Variants in SDK2 observed in about 807,000 individuals in gnomAD.
SDK2 encodes protein sidekick-2.
In SDK2, 105 loss-of-function variants were observed where a neutral mutation model predicts 253.9. The ratio of observed to expected loss-of-function variants is 0.41; its 90% confidence interval spans 0.35 to 0.49. SDK2 has a LOEUF of 0.49. SDK2 is among the 20% of genes least tolerant of loss of function. SDK2 has a pLI of 0.06. For synonymous variants in SDK2, 1,249 were observed against 1,234.9 expected, an observed-to-expected ratio of 1.01 and a Z score of -0.24; for missense variants, 2,608 against 3,003.0, an observed-to-expected ratio of 0.87 and a Z score of 3.07.
Position 73,443,198 on chromosome 17 carries a change from G to A in SDK2, c.614-2275C>T, listed in dbSNP as rs754801978. Among the ~76,000 whole-genome samples the A allele has an allele frequency of 1.3e-5, 2 of 152,158 alleles. No homozygotes were observed. Among genetic ancestry groups the A allele is most frequent in the Non-Finnish European group, 2.9e-5 (2 of 68,032 alleles). ...CTCTGGGCCACCTTGTCAGCCCTGG[G>A]CAGGTTTTCCTTCCTTGACTCCAGG... On this transcript the variant is annotated intron_variant, in intron 5 of 44. Coordinates refer to ENST00000392650, the MANE Select transcript of SDK2 (RefSeq NM_001144952.2). The surrounding 1 kb of genome is among the most constrained non-coding windows in gnomAD (Gnocchi z 4.6).
chr17:73,564,924 A>G (rs2045290877), intron 1 of SDK2, among the ~76,000 whole-genome samples: 1 of 152,128 alleles, frequency 6.6e-6, no homozygotes, highest in African/African-American at 2.4e-5. Flanking sequence ...AGTTAGGTCA[A>G]CCCTTTCCCC....
Position 73,447,634 on chromosome 17 carries a change from G to A in SDK2, c.594C>T (p.Pro198=). ...DKNGDNKTSQ[P]ITLTVENVGG... ...ACTTACTCTCCACGGTGAGCGTGAT[G>A]GGCTGGCTGGTCTTGTTATCCCCGT... The change falls in exon 5 of 45, where the codon CCC becomes CCT. Residue 198 remains proline, a synonymous_variant. Coordinates refer to ENST00000392650, the MANE Select transcript of SDK2 (RefSeq NM_001144952.2). This position sits in a 1 kb window ranked among gnomAD's most constrained non-coding sequence, Gnocchi z 4.0. 6.4e-7 allele frequency: 1 copy of A among 1,551,916 alleles called. No individual in the cohort carries two copies. The highest frequency in any genetic ancestry group is 8.7e-7 in the Non-Finnish European group (1 of 1,147,038).
chr17:73,623,245 A>C (rs1180329968), intron 1 of SDK2, among the ~76,000 whole-genome samples: 1 of 152,218 alleles, frequency 6.6e-6, no homozygotes, highest in East Asian at 1.9e-4. Flanking sequence ...GGTAATCCTC[A>C]CAACAACCTC....
Position 73,481,197 on chromosome 17 carries a change from C to A in SDK2, c.225-8979G>T, listed in dbSNP as rs780029907. On this transcript the variant is annotated intron_variant, in intron 2 of 44. Transcript: ENST00000392650. The surrounding 1 kb of genome is among the most constrained non-coding windows in gnomAD (Gnocchi z 4.5). ...AGAATCCTTGGAAGGTGGGGGAGGG[C>A]CCTGGACTTGTCCCCTCCCAGAGGA... Among the ~76,000 whole-genome samples, 3 of 152,090 alleles carry A rather than the reference C, an allele frequency of 2.0e-5. No individual in the cohort carries two copies. The highest frequency in any genetic ancestry group is 2.9e-5 in the Non-Finnish European group (2 of 68,016).
rs889081647 is a variant in SDK2, at chr17:73,361,535, G to T, written c.5467+149C>A. 1.4e-6 allele frequency: 1 copy of T among 701,148 alleles called. No homozygotes were observed. The highest frequency in any genetic ancestry group is 2.7e-5 in the East Asian group (1 of 36,364). The allele number at this position is 701,148 out of a possible 1,614,324, so 43.4% of individuals were successfully genotyped here. ...GGAGCCCGGGAGGAGGGAGCGGGGGGAGGGGTCACTGGGCACCAGGGGAAA... is the reference window on the plus strand; with the variant it reads ...GGAGCCCGGGAGGAGGGAGCGGGGGTAGGGGTCACTGGGCACCAGGGGAAA... On this transcript the variant is annotated intron_variant, in intron 39 of 44. Transcript: ENST00000392650. The surrounding 1 kb of genome is among the most constrained non-coding windows in gnomAD (Gnocchi z 4.1).
intron 1 of SDK2, among the ~76,000 whole-genome samples, chr17:73,540,443 C>T (rs758422618): frequency 3.3e-5 from 5 of 152,152 alleles, no homozygotes; most frequent in Admixed American, 6.5e-5. Context: ...TTCTTGCTGT[C>T]GCAATGAGAC....
intron 1 of SDK2, among the ~76,000 whole-genome samples, chr17:73,527,639 G>A (rs1240729850): frequency 1.3e-5 from 2 of 152,360 alleles, no homozygotes; most frequent in South Asian, 2.1e-4. Context: ...AGGCCCTGAA[G>A]TGACATTGCC....
Position 73,398,366 on chromosome 17 carries a change from C to T in SDK2, c.3157G>A (p.Ala1053Thr). ...AGGTCGGGCACCTCCATGGAGCGGGCATCGGGCTCATTGGAGAGCTGGTGG... is the reference window on the plus strand; with the variant it reads ...AGGTCGGGCACCTCCATGGAGCGGGTATCGGGCTCATTGGAGAGCTGGTGG... ...LIHQLSNEPD[A>T]RSMEVPDLNP... Residue 1053 changes from alanine (A) to threonine (T), a missense_variant, in exon 23 of 45, where the codon GCC becomes ACC. By Grantham distance (58) the Ala-to-Thr change is moderately conservative. Coordinates refer to ENST00000392650, the MANE Select transcript of SDK2 (RefSeq NM_001144952.2). The T allele has an allele frequency of 6.2e-7, 1 of 1,614,000 alleles. No individual in the cohort carries two copies. The highest frequency in any genetic ancestry group is 1.1e-5 in the South Asian group (1 of 91,082).
chr17:73,335,952 T>G lies in SDK2; in HGVS notation c.*2635A>C, dbSNP rs1174534725. 6.6e-6 allele frequency: 1 copy of G among 152,348 alleles called. No homozygotes were observed. Among genetic ancestry groups the G allele is most frequent in the Non-Finnish European group, 1.5e-5 (1 of 68,110 alleles). 9.4% of individuals were successfully genotyped at this position (152,348 alleles called of 1,614,324 possible). A position where few individuals can be genotyped will look rare whatever the true frequency, so the allele number is the denominator to read the frequency against. ...GTCAGCATGGGTGCGAATGAGCGTG[T>G]GGGGAGTGGGGGGGTGGAATATCTT... On this transcript the variant is annotated 3_prime_UTR_variant, in exon 45 of 45. Coordinates refer to ENST00000392650, the MANE Select transcript of SDK2 (RefSeq NM_001144952.2).
chr17:73,545,260 C>T (rs2044942864), intron 1 of SDK2, among the ~76,000 whole-genome samples: 1 of 152,126 alleles, frequency 6.6e-6, no homozygotes, highest in Non-Finnish European at 1.5e-5. Flanking sequence ...ACTCGCTCAA[C>T]CCCGCCCTGC....
chr17:73,601,131 T>C (rs1415215960), intron 1 of SDK2, among the ~76,000 whole-genome samples: 1 of 152,036 alleles, frequency 6.6e-6, no homozygotes, highest in African/African-American at 2.4e-5. Flanking sequence ...ACAATTCTCC[T>C]GTCTCAGCCT....
intron 18 of SDK2, among the ~76,000 whole-genome samples, chr17:73,403,494 C>T (rs2063046454): frequency 6.6e-6 from 1 of 151,966 alleles, no homozygotes; most frequent in Non-Finnish European, 1.5e-5. Flanking sequence ...CATCTGTCTC[C>T]AATAATGACA....
intron 2 of SDK2, among the ~76,000 whole-genome samples, chr17:73,491,361 T>C (rs1400909810): frequency 6.8e-6 from 1 of 147,388 alleles, no homozygotes; most frequent in Non-Finnish European, 1.5e-5. Flanking sequence ...CTCTCTGCCT[T>C]TCTGTTTTTT....
At position 73,358,221 on chromosome 17, in the gene SDK2, G is replaced by C. The variant is rs1334842570; in HGVS notation, c.5468-17C>G. ...CTGGGGCACCTGCAGACAGCACACA[G>C]AGGCGAGGGATGTATGGAACCCAGA... On this transcript the variant is annotated splice_polypyrimidine_tract_variant and intron_variant, in intron 39 of 44. Coordinates refer to ENST00000392650, the MANE Select transcript of SDK2 (RefSeq NM_001144952.2). 6.3e-7 allele frequency: 1 copy of C among 1,583,974 alleles called. No homozygotes were observed. The highest frequency in any genetic ancestry group is 1.2e-5 in the South Asian group (1 of 85,924).
chr17:73,340,028 G>C (rs1306110592), intron 44 of SDK2, among the ~76,000 whole-genome samples: 1 of 152,002 alleles, frequency 6.6e-6, no homozygotes, highest in African/African-American at 2.4e-5. Flanking sequence ...CTGCCACCAT[G>C]CCTGGCTAAT....
chr17:73,542,654 C>G (rs2044887948), intron 1 of SDK2, among the ~76,000 whole-genome samples: 1 of 152,000 alleles, frequency 6.6e-6, no homozygotes. Context: ...GAGGGAGGAC[C>G]CAGGGGAAGG....
chr17:73,582,558 AAGAG>A (rs1391226074), intron 1 of SDK2, among the ~76,000 whole-genome samples: 2 of 152,140 alleles, frequency 1.3e-5, no homozygotes, highest in Admixed American at 6.5e-5. Context: ...GCCAGTCAGA[AAGAG>A]AGAGAGTGAT....
At chr17:73,522,278 C>T (rs545141429) in intron 1 of SDK2, among the ~76,000 whole-genome samples, 83 of 152,312 alleles carry the variant, frequency 5.4e-4, no homozygotes, top group Admixed American at 1.1e-3. Context: ...CTGTGCTGAC[C>T]CCTGCCCCAG....
At chr17:73,569,877 G>A (rs1294577566) in intron 1 of SDK2, among the ~76,000 whole-genome samples, 1 of 152,014 alleles carries the variant, frequency 6.6e-6, no homozygotes, top group Non-Finnish European at 1.5e-5. Context: ...CTGATCTCTA[G>A]GAGCTACACG....
Sources: gnomAD v4.1 joint callset for allele counts (sites outside exome capture counted in the v4.1 genomes callset) on GRCh38, gnomAD v4.1.1 for gene constraint, Gnocchi (gnomAD v3.1) non-coding constraint, MANE v1.5 for transcripts, NCBI Gene and HGNC (gene_info 2026-07-23, HGNC 2026-07-21) for gene names.